CNTNAP5: variants seen among roughly 807,000 people sequenced by gnomAD.
CNTNAP5 encodes contactin-associated protein-like 5.
A neutral mutation model predicts 150.2 loss-of-function variants in CNTNAP5; 72 were observed. The ratio of observed to expected loss-of-function variants is 0.48; its 90% CI spans 0.40 to 0.58. The LOEUF is 0.58. Ranked by LOEUF, CNTNAP5 falls within the 20% of genes least tolerant of loss-of-function variation. The probability of loss-of-function intolerance (pLI) is 0.00; values close to 1 mark genes in which losing one functional copy is unlikely to be tolerated. For missense variants in CNTNAP5, 1,636 were observed against 1,626.2 expected (o/e 1.01, Z -0.10); for synonymous variants, 672 against 619.8 (o/e 1.08, Z -1.25).
chr2:124,046,357 G>T (rs1681534363), intron 1 of CNTNAP5, among the ~76,000 whole-genome samples: 1 of 146,160 alleles, frequency 6.8e-6, no homozygotes, highest in Admixed American at 7.0e-5. Flanking sequence ...AAAGAATACA[G>T]ATTTTGAAGA....
intron 1 of CNTNAP5, among the ~76,000 whole-genome samples, chr2:124,088,545 A>C (rs1682747213): frequency 6.6e-6 from 1 of 151,100 alleles, no homozygotes; most frequent in South Asian, 2.1e-4. Context: ...TTATGAGATC[A>C]CTAAATTTAT....
intron 3 of CNTNAP5, among the ~76,000 whole-genome samples, chr2:124,369,993 A>G (rs1204953540): frequency 6.6e-6 from 1 of 152,172 alleles, no homozygotes; most frequent in African/African-American, 2.4e-5. Context: ...GTTGGAAAAA[A>G]ACAGACAATG....
At chr2:124,088,637 G>C (rs1475648082) in intron 1 of CNTNAP5, among the ~76,000 whole-genome samples, 1 of 151,474 alleles carries the variant, frequency 6.6e-6, no homozygotes, top group Non-Finnish European at 1.5e-5. Flanking sequence ...TAATTGCCTT[G>C]TGTATATAAA....
At chr2:124,351,654 A>G (rs923663197) in intron 3 of CNTNAP5, among the ~76,000 whole-genome samples, 2 of 152,198 alleles carry the variant, frequency 1.3e-5, no homozygotes, top group African/African-American at 2.4e-5. Flanking sequence ...AAGGGCAATC[A>G]TGGAGAATAA....
intron 14 of CNTNAP5, among the ~76,000 whole-genome samples, chr2:124,759,813 A>G (rs1438755404): frequency 6.9e-6 from 1 of 144,056 alleles, no homozygotes; most frequent in African/African-American, 2.5e-5. Context: ...TGTGGAGCAC[A>G]GGGAGATGGA....
intron 3 of CNTNAP5, among the ~76,000 whole-genome samples, chr2:124,308,277 G>T (rs917170820): frequency 1.3e-5 from 2 of 150,982 alleles, no homozygotes; most frequent in African/African-American, 2.4e-5. Flanking sequence ...TGCCAGTCTT[G>T]GTCATTAATT....
At chr2:124,483,531 C>T (rs1470377748) in intron 7 of CNTNAP5, among the ~76,000 whole-genome samples, 1 of 152,192 alleles carries the variant, frequency 6.6e-6, no homozygotes, top group Non-Finnish European at 1.5e-5. Context: ...AATCTGTAAG[C>T]AGTGTCTACC....
chr2:124,276,926 G>T (rs1489812009), intron 3 of CNTNAP5, among the ~76,000 whole-genome samples: 1 of 152,052 alleles, frequency 6.6e-6, no homozygotes. Flanking sequence ...TCCATGACAA[G>T]AACAAGAAGC....
chr2:124,626,343 T>C (rs1677722291), intron 12 of CNTNAP5, among the ~76,000 whole-genome samples: 1 of 151,962 alleles, frequency 6.6e-6, no homozygotes, highest in African/African-American at 2.4e-5. Context: ...ATGCAGAACG[T>C]GGGTGATTAC....
At chr2:124,077,177 T>C (rs1391639526) in intron 1 of CNTNAP5, among the ~76,000 whole-genome samples, 3 of 152,086 alleles carry the variant, frequency 2.0e-5, no homozygotes, top group African/African-American at 7.2e-5. Flanking sequence ...CCAGAAGTCT[T>C]TTGCAGTGTC....
intron 17 of CNTNAP5, chr2:124,778,604 A>G (rs565059244): frequency 6.5e-6 from 1 of 153,970 alleles, no homozygotes; most frequent in South Asian, 2.0e-4. Flanking sequence ...GATCTTCCAC[A>G]CTCAAGCCAG....
intron 8 of CNTNAP5, among the ~76,000 whole-genome samples, chr2:124,521,105 A>T (rs1324169722): frequency 6.6e-6 from 1 of 152,038 alleles, no homozygotes; most frequent in Non-Finnish European, 1.5e-5. Flanking sequence ...TTCTCTTCTG[A>T]CACCTCCAAT....
At chr2:124,100,831 C>T (rs942606355) in intron 1 of CNTNAP5, among the ~76,000 whole-genome samples, 5 of 134,508 alleles carry the variant, frequency 3.7e-5, no homozygotes, top group African/African-American at 1.4e-4. Flanking sequence ...CACCACTGTA[C>T]TACAGCCTGG....
At chr2:124,294,667 C>T (rs1410666606) in intron 3 of CNTNAP5, among the ~76,000 whole-genome samples, 2 of 152,038 alleles carry the variant, frequency 1.3e-5, no homozygotes, top group Admixed American at 6.6e-5. Flanking sequence ...GTGAGGAGCT[C>T]GAATTTGATG....
intron 5 of CNTNAP5, among the ~76,000 whole-genome samples, chr2:124,441,264 C>A (rs1692665809): frequency 1.3e-5 from 2 of 152,088 alleles, no homozygotes; most frequent in South Asian, 4.1e-4. Context: ...AATAATTACA[C>A]GTCAGTGATA....
chr2:124,577,129 G>A (rs1696301321), intron 11 of CNTNAP5, among the ~76,000 whole-genome samples: 1 of 152,096 alleles, frequency 6.6e-6, no homozygotes, highest in Admixed American at 6.6e-5. Flanking sequence ...TCCTTAGTTA[G>A]TTTTATTTTG....
intron 7 of CNTNAP5, among the ~76,000 whole-genome samples, chr2:124,503,868 A>G (rs946684727): frequency 2.0e-5 from 3 of 152,130 alleles, no homozygotes; most frequent in South Asian, 2.1e-4. Context: ...TTTCCTTCGC[A>G]TAACCTTTGC....
chr2:124,903,020 A>G lies in CNTNAP5; in HGVS notation c.3575A>G (p.His1192Arg). 10 of 1,610,752 alleles carry G rather than the reference A, an allele frequency of 6.2e-6. No homozygotes were observed. Among genetic ancestry groups the G allele is most frequent in the Non-Finnish European group, 7.6e-6 (9 of 1,178,426 alleles). ...GCCACTGTCGCGCCTGTGACTGTCC[A>G]TGGGACCTTGACGGAATCCAGCTGT... The part of the protein sequence containing the change: ...RHATVAPVTV[H>R]GTLTESSCGF... The change falls in exon 22 of 24, where the codon CAT becomes CGT. Residue 1192 changes from histidine (H) to arginine (R), a missense_variant. By Grantham distance (29) the His-to-Arg change is conservative (BLOSUM62 0). Transcript: ENST00000682447.
chr2:124,071,210 T>G (rs186803335), intron 1 of CNTNAP5, among the ~76,000 whole-genome samples: 1 of 151,784 alleles, frequency 6.6e-6, no homozygotes, highest in African/African-American at 2.4e-5. Context: ...TTCTTCATAC[T>G]GAAGAGGGAA....
Sources: allele counts gnomAD v4.1 joint callset (sites outside exome capture counted in the v4.1 genomes callset), GRCh38; gene constraint gnomAD v4.1.1; transcripts MANE v1.5; gene names NCBI Gene and HGNC (gene_info 2026-07-23, HGNC 2026-07-21).